DAB2IP: variants seen among roughly 807,000 people sequenced by gnomAD.
DAB2IP encodes the protein DAB2 interacting protein.
DAB2IP carries 28 observed loss-of-function variants against 107.2 expected under a neutral mutation model. That is an observed-to-expected ratio of 0.26 (90% confidence interval 0.19 to 0.36). DAB2IP has a LOEUF of 0.36. DAB2IP is among the 10% of genes least tolerant of loss of function. The pLI is 1.00. For missense variants in DAB2IP, 1,400 were observed against 1,644.7 expected (o/e 0.85, Z 2.57); for synonymous variants, 755 against 706.4 (o/e 1.07, Z -1.09).
intron 10 of DAB2IP, 60 bp from the exon 11 acceptor site, chr9:121,770,486 C>T: frequency 6.4e-7 from 1 of 1,563,106 alleles, no homozygotes; most frequent in Non-Finnish European, 8.7e-7. Flanking sequence ...GGCTGCAGCA[C>T]ATACAGCCTA....
At chr9:121,706,938 A>T (rs1277535911) in intron 3 of DAB2IP, among the ~76,000 whole-genome samples, 1 of 152,188 alleles carries the variant, frequency 6.6e-6, no homozygotes, top group Non-Finnish European at 1.5e-5. Flanking sequence ...ATCCCCACCC[A>T]CAAAGGTTCC....
chr9:121,609,220 C>T (rs1830998546), intron 1 of DAB2IP, among the ~76,000 whole-genome samples: 1 of 152,220 alleles, frequency 6.6e-6, no homozygotes, highest in Non-Finnish European at 1.5e-5. Flanking sequence ...GCTGTGATTA[C>T]AGGTGTGAGG....
At position 121,782,782 on chromosome 9, in the gene DAB2IP, A is replaced by G. The variant is rs1294859177; in HGVS notation, c.*284A>G. The G allele has an allele frequency of 1.6e-6, 2 of 1,276,134 alleles. No homozygotes were observed. Among genetic ancestry groups the G allele is most frequent in the Admixed American group, 3.5e-5 (1 of 28,620 alleles). The allele number at this position is 1,276,134 out of a possible 1,614,324, so 79.1% of individuals were successfully genotyped here. On this transcript the variant is annotated 3_prime_UTR_variant, in exon 16 of 16. Transcript: ENST00000408936. This position sits in a 1 kb window ranked among gnomAD's most constrained non-coding sequence, Gnocchi z 6.1. ...ATGGGGCAGGGGGCCTGCCAAAAAT[A>G]TGTCTGTTGGTTCCTGAATGTGGTG...
At chr9:121,665,239 C>T (rs925172352) in intron 1 of DAB2IP, among the ~76,000 whole-genome samples, 3 of 152,146 alleles carry the variant, frequency 2.0e-5, no homozygotes, top group Non-Finnish European at 4.4e-5. Context: ...CATGGTGGCT[C>T]ATGCTTGTAA....
At chr9:121,695,244 C>T (rs117525114) in intron 2 of DAB2IP, among the ~76,000 whole-genome samples, 3,667 of 152,284 alleles carry the variant, frequency 0.024, 80 homozygotes, top group Non-Finnish European at 0.034. Context: ...GTCCCCCTGC[C>T]GGGCGGCCCA....
chr9:121,714,754 A>G (rs1261020879), intron 3 of DAB2IP, among the ~76,000 whole-genome samples: 2 of 152,224 alleles, frequency 1.3e-5, no homozygotes, highest in Non-Finnish European at 2.9e-5. Context: ...AATTGCAATT[A>G]AGGCATGTGT....
At position 121,766,602 on chromosome 9, in the gene DAB2IP, GC is replaced by G; in HGVS notation, c.1570del (p.Arg524AlafsTer54). The G allele has an allele frequency of 6.2e-7, 1 of 1,614,056 alleles. No homozygotes were observed. The highest frequency in any genetic ancestry group is 8.5e-7 in the Non-Finnish European group (1 of 1,180,042). Reference sequence around the variant, plus strand: ...GGCTCATCAGCGCCTCCCTCTTCCTGCGCTTCCTCTGCCCAGCCATCATGTC... The same window carrying G: ...GGCTCATCAGCGCCTCCCTCTTCCTGGCTTCCTCTGCCCAGCCATCATGTC... On this transcript the variant is annotated frameshift_variant, in exon 9 of 16. Transcript: ENST00000408936. LOFTEE classifies it high-confidence loss of function.
intron 6 of DAB2IP, among the ~76,000 whole-genome samples, chr9:121,761,941 A>T (rs1833925280): frequency 6.6e-6 from 1 of 152,128 alleles, no homozygotes; most frequent in African/African-American, 2.4e-5. Context: ...TGGGAAGCGG[A>T]TTCCTCCCTG....
intron 1 of DAB2IP, among the ~76,000 whole-genome samples, chr9:121,669,152 G>A (rs918924423): frequency 1.8e-4 from 28 of 152,166 alleles, no homozygotes; most frequent in East Asian, 5.8e-4. Context: ...GGCTGATCTC[G>A]AACTCCTGGC....
In DAB2IP at chr9:121,699,367, A is replaced by G. The variant is rs1015579724; in HGVS notation, c.271A>G (p.Lys91Glu). ...CCTCAAGGGCTCCATCAAGCGCACC[A>G]AGAGCCAGCCCAAGCTGGACCGCAA... Residue 91 changes from lysine (K) to glutamate (E), a missense_variant, in exon 3 of 16, where the codon AAG becomes GAG. Lys to Glu is a moderately conservative substitution (Grantham distance 56). Coordinates refer to ENST00000408936, the Ensembl canonical transcript of DAB2IP. The surrounding 1 kb of genome is among the most constrained non-coding windows in gnomAD (Gnocchi z 6.2). The G allele has an allele frequency of 6.9e-7, 1 of 1,443,832 alleles. No individual in the cohort carries two copies. The highest frequency in any genetic ancestry group is 1.5e-5 in the African/African-American group (1 of 66,728). 89.4% of individuals were successfully genotyped at this position (1,443,832 alleles called of 1,614,324 possible). A position where few individuals can be genotyped will look rare whatever the true frequency, so the allele number is the denominator to read the frequency against.
At chr9:121,586,093 C>T (rs1830306121) in intron 1 of DAB2IP, among the ~76,000 whole-genome samples, 1 of 152,156 alleles carries the variant, frequency 6.6e-6, no homozygotes, top group Non-Finnish European at 1.5e-5. Context: ...GTAACTTCAG[C>T]CTCCTTGAAT....
At chr9:121,725,914 A>G (rs1008316124) in intron 3 of DAB2IP, among the ~76,000 whole-genome samples, 7 of 152,230 alleles carry the variant, frequency 4.6e-5, no homozygotes, top group African/African-American at 1.4e-4. Context: ...CAGCGATTTT[A>G]GAAGCAAGTC....
intron 3 of DAB2IP, among the ~76,000 whole-genome samples, chr9:121,735,690 A>AAACCCCTTTCCCCT (rs1831848789): frequency 6.6e-6 from 1 of 152,022 alleles, no homozygotes; most frequent in African/African-American, 2.4e-5. Context: ...GCTGTAAGGG[A>AAACCCCTTTCCCCT]AGGAGGTGTG....
chr9:121,614,930 C>T (rs1381292855), intron 1 of DAB2IP, among the ~76,000 whole-genome samples: 2 of 152,004 alleles, frequency 1.3e-5, no homozygotes, highest in East Asian at 1.9e-4. Context: ...GACAGGGTTT[C>T]GTCCTGTTGG....
rs1173875317 is a variant in DAB2IP, at chr9:121,760,886, C to G, written c.1170+447C>G. On this transcript the variant is annotated intron_variant, in intron 6 of 15. Coordinates refer to ENST00000408936, the Ensembl canonical transcript of DAB2IP. The surrounding 1 kb of genome is among the most constrained non-coding windows in gnomAD (Gnocchi z 5.9). The stretch of plus-strand genomic sequence containing the variant: ...GCACGATGCACAGATGAGCCTCCCT[C>G]ACAGCTCTACCTCACCCCACACTCT... Among the ~76,000 whole-genome samples, 2 of 152,198 alleles carry G rather than the reference C, an allele frequency of 1.3e-5. No homozygotes were observed. Among genetic ancestry groups the G allele is most frequent in the African/African-American group, 4.8e-5 (2 of 41,434 alleles).
chr9:121,636,629 G>T (rs754030910), intron 1 of DAB2IP, among the ~76,000 whole-genome samples: 1 of 152,248 alleles, frequency 6.6e-6, no homozygotes, highest in Non-Finnish European at 1.5e-5. Flanking sequence ...GCTGGTACGA[G>T]AGTGAGGTAA....
At chr9:121,785,291 ACACT>A (rs1288262772) in exon 16 of DAB2IP, 1 of 152,456 alleles carries the variant, frequency 6.6e-6, no homozygotes, top group Admixed American at 6.5e-5. Context: ...TCTTTTCTAC[ACACT>A]CAGCCACAAA....
chr9:121,650,269 G>GT (rs933333419), upstream of DAB2IP, among the ~76,000 whole-genome samples: 19 of 152,316 alleles, frequency 1.2e-4, no homozygotes, highest in African/African-American at 4.1e-4. Context: ...GTTTGCTGGA[G>GT]TAACACCCCT....
chr9:121,646,871 C>T (rs1832558570), upstream of DAB2IP, among the ~76,000 whole-genome samples: 1 of 152,210 alleles, frequency 6.6e-6, no homozygotes, highest in Non-Finnish European at 1.5e-5. Context: ...AATCCTGCCT[C>T]CTAGTGCAAG....
Sources: gnomAD v4.1 joint callset for allele counts (sites outside exome capture counted in the v4.1 genomes callset) on GRCh38, gnomAD v4.1.1 for gene constraint, Gnocchi (gnomAD v3.1) non-coding constraint, MANE v1.5 for transcripts, NCBI Gene and HGNC (gene_info 2026-07-23, HGNC 2026-07-21) for gene names.